Variants in TMEM232 observed in about 807,000 individuals in gnomAD.
TMEM232 encodes transmembrane protein 232.
Under a neutral mutation model 78.8 loss-of-function variants are expected in TMEM232, and 80 were observed. The observed-to-expected ratio is 1.01, with a 90% confidence interval of 0.85 to 1.22. The LOEUF is 1.22. Among genes scored for constraint, TMEM232 ranks in the 50% most tolerant of loss-of-function variants. The pLI, the probability that TMEM232 is intolerant of heterozygous loss-of-function variation, is 0.00. For synonymous variants in TMEM232, 297 were observed against 254.3 expected (o/e 1.17, Z -1.60); for missense variants, 881 against 742.2 (o/e 1.19, Z -2.17).
chr5:110,425,029 T>C, intron 12 of TMEM232, 113 bp from the exon 13 acceptor site: 1 of 825,396 alleles, frequency 1.2e-6, no homozygotes, highest in Non-Finnish European at 1.9e-6. Context: ...TTCTTCATTG[T>C]TAACATAAAG....
intron 10 of TMEM232, among the ~76,000 whole-genome samples, chr5:110,569,719 A>G (rs1776727259): frequency 6.6e-6 from 1 of 151,896 alleles, no homozygotes; most frequent in African/African-American, 2.4e-5. Flanking sequence ...AACAATCATT[A>G]TTATTATTAT....
intron 2 of TMEM232, among the ~76,000 whole-genome samples, chr5:110,401,279 C>T (rs1755582808): frequency 6.9e-6 from 1 of 144,342 alleles, no homozygotes; most frequent in Non-Finnish European, 1.5e-5. Flanking sequence ...ACAGACACAA[C>T]ATTCTTTTTT....
In TMEM232 at chr5:110,640,999, G is replaced by C; in HGVS notation, c.238-3C>G. On this transcript the variant is annotated splice_polypyrimidine_tract_variant and splice_region_variant and intron_variant, in intron 3 of 13. Coordinates refer to ENST00000455884, the MANE Select transcript of TMEM232 (RefSeq NM_001039763.4). ...AGGGTTTTGAGACCCAATTTTCTCT[G>C]TTATGAGGAAGCATGAAAAAGACAA... is the stretch of plus-strand genomic sequence containing the variant. 6.6e-7 allele frequency: 1 copy of C among 1,504,708 alleles called. No individual in the cohort carries two copies. Among genetic ancestry groups the C allele is most frequent in the Non-Finnish European group, 8.9e-7 (1 of 1,126,036 alleles). 93.2% of individuals were successfully genotyped at this position (1,504,708 alleles called of 1,614,324 possible).
At chr5:110,576,274 C>T (rs1261863114) in intron 10 of TMEM232, among the ~76,000 whole-genome samples, 2 of 152,010 alleles carry the variant, frequency 1.3e-5, no homozygotes, top group African/African-American at 4.8e-5. Context: ...GGAATGAACT[C>T]CCATTCACAA....
At chr5:110,408,534 G>T (rs1237766854) in intron 2 of TMEM232, among the ~76,000 whole-genome samples, 1 of 152,108 alleles carries the variant, frequency 6.6e-6, no homozygotes, top group African/African-American at 2.4e-5. Context: ...AGAGGTTGCA[G>T]TGAGCCGAGG....
intron 12 of TMEM232, among the ~76,000 whole-genome samples, chr5:110,466,616 G>GTT (rs59026770): frequency 0.038 from 5,426 of 143,400 alleles, 152 homozygotes; most frequent in African/African-American, 0.078. Flanking sequence ...GACAAGCATA[G>GTT]TTTTTTTTTT....
At chr5:110,574,744 T>C (rs1257969958) in intron 10 of TMEM232, among the ~76,000 whole-genome samples, 1 of 152,102 alleles carries the variant, frequency 6.6e-6, no homozygotes, top group Non-Finnish European at 1.5e-5. Context: ...TCACACAACT[T>C]CTCTGGGAGA....
At chr5:110,667,028 T>C (rs779194944) in intron 2 of TMEM232, among the ~76,000 whole-genome samples, 200 bp downstream of exon 2, 13 of 152,096 alleles carry the variant, frequency 8.5e-5, no homozygotes, top group Non-Finnish European at 1.6e-4. Flanking sequence ...TGAGTATAGA[T>C]AATTATTTCA....
chr5:110,556,004 T>G lies in TMEM232; in HGVS notation c.1455+12443A>C, dbSNP rs6870807. Among the ~76,000 whole-genome samples, 1,489 of 152,230 alleles carry G rather than the reference T, an allele frequency of 9.8e-3. 28 individuals are homozygous for G. Among genetic ancestry groups the G allele is most frequent in the African/African-American group, 0.034 (1,413 of 41,528 alleles). ...TAAATTCAAGATTAATATTGATATA[T>G]GTGGATTTGATCCTGTCATTGTGTG... On this transcript the variant is annotated intron_variant, in intron 11 of 13. Coordinates refer to ENST00000455884, the MANE Select transcript of TMEM232 (RefSeq NM_001039763.4).
intron 12 of TMEM232, among the ~76,000 whole-genome samples, chr5:110,485,378 G>A (rs1339723341): frequency 6.6e-6 from 1 of 152,068 alleles, no homozygotes; most frequent in Non-Finnish European, 1.5e-5. Flanking sequence ...TTGGTGATTT[G>A]TGAGATTTTG....
intron 4 of TMEM232, 55 bp downstream of exon 4, chr5:110,640,836 T>A (rs1163356080): frequency 7.9e-7 from 1 of 1,271,354 alleles, no homozygotes; most frequent in Non-Finnish European, 1.0e-6. Context: ...AATTATGCCT[T>A]CACTGATGAT....
At chr5:110,572,976 G>A (rs1025465678) in intron 10 of TMEM232, among the ~76,000 whole-genome samples, 2 of 152,026 alleles carry the variant, frequency 1.3e-5, no homozygotes, top group Non-Finnish European at 2.9e-5. Flanking sequence ...TCTGCTTTGC[G>A]TGACCCTGTG....
intron 2 of TMEM232, among the ~76,000 whole-genome samples, chr5:110,403,434 A>G (rs908852767): frequency 3.3e-5 from 5 of 152,010 alleles, no homozygotes; most frequent in Non-Finnish European, 7.4e-5. Flanking sequence ...GACGTCCCAT[A>G]TTCTTATTTT....
chr5:110,507,594 GC>G (rs1454044844), intron 12 of TMEM232, among the ~76,000 whole-genome samples: 1 of 152,104 alleles, frequency 6.6e-6, no homozygotes, highest in East Asian at 1.9e-4. Context: ...CCCCTCCTAA[GC>G]CCATGGGCCA....
rs1365680728 is a variant in TMEM232 at position 110,437,753 on chromosome 5, A to G, written c.1704-12837T>C. On this transcript the variant is annotated intron_variant, in intron 12 of 13. Coordinates refer to ENST00000455884, the MANE Select transcript of TMEM232 (RefSeq NM_001039763.4). ...TGCATAATTACCAAGAACAAGAGCT[A>G]CAAAGGCACTTTTGTATAGGTAATT... is the stretch of plus-strand genomic sequence containing the variant. Among the ~76,000 whole-genome samples, 4 of 152,120 alleles carry G rather than the reference A, an allele frequency of 2.6e-5. No individual in the cohort carries two copies. The East Asian group carries it at 7.7e-4, about 29-fold the overall frequency.
At chr5:110,473,807 C>A (rs759155649) in intron 12 of TMEM232, among the ~76,000 whole-genome samples, 12 of 95,656 alleles carry the variant, frequency 1.3e-4, no homozygotes, top group East Asian at 3.4e-4. Context: ...TAGTCAAATT[C>A]AAAAAAAAAG....
intron 12 of TMEM232, among the ~76,000 whole-genome samples, chr5:110,474,128 T>C (rs1475342187): frequency 1.3e-5 from 2 of 151,796 alleles, no homozygotes; most frequent in African/African-American, 4.8e-5. Flanking sequence ...TCAAAATAGC[T>C]ATAAGAACGG....
intron 2 of TMEM232, among the ~76,000 whole-genome samples, chr5:110,409,096 T>A (rs766482844): frequency 1.3e-5 from 2 of 152,228 alleles, no homozygotes; most frequent in Non-Finnish European, 2.9e-5. Flanking sequence ...CATCTATTTA[T>A]GGGTATCTTT....
intron 8 of TMEM232, chr5:110,610,646 T>A (rs1449091026): frequency 7.3e-6 from 3 of 411,774 alleles, no homozygotes; most frequent in Admixed American, 3.3e-5. Context: ...GCCTACTAAA[T>A]CACAAAGATG....
Sources: allele counts gnomAD v4.1 joint callset (sites outside exome capture counted in the v4.1 genomes callset), GRCh38; gene constraint gnomAD v4.1.1; transcripts MANE v1.5; gene names NCBI Gene and HGNC (gene_info 2026-07-23, HGNC 2026-07-21).